ANKRD26: variants seen among roughly 807,000 people sequenced by gnomAD.
ANKRD26 encodes ankyrin repeat domain 26.
Under a neutral mutation model 208.7 loss-of-function variants are expected in ANKRD26, and 141 were observed. The observed-to-expected ratio is 0.68, with a 90% CI of 0.59 to 0.78. The LOEUF (loss-of-function observed/expected upper bound fraction) is 0.78, where lower values mean the gene tolerates loss of function less well. ANKRD26 is among the 30% of genes least tolerant of loss of function. ANKRD26 has a pLI of 0.00. For synonymous variants in ANKRD26, 636 were observed against 660.4 expected (o/e 0.96, Z 0.57); for missense variants, 1,889 against 1,938.7 (o/e 0.97, Z 0.48).
At chr10:27,001,621 C>A (rs144914392), downstream of ANKRD26, among the ~76,000 whole-genome samples, 33 of 152,300 alleles carry the variant, frequency 2.2e-4, no homozygotes, top group East Asian at 6.2e-3. Flanking sequence ...GCCGCCCCCA[C>A]CCTAATCTTT....
At chr10:27,094,162 A>G (rs2056392267) in intron 1 of ANKRD26, among the ~76,000 whole-genome samples, 2 of 152,024 alleles carry the variant, frequency 1.3e-5, no homozygotes, top group Non-Finnish European at 2.9e-5. Context: ...TTCTGCCCTT[A>G]TTGTTAAGTT....
rs141566371 is a variant in ANKRD26 at position 27,054,452 on chromosome 10, G to A, written c.1565-1062C>T. On this transcript the variant is annotated intron_variant, in intron 15 of 33. Transcript: ENST00000376087. ...ATATAAAAATGAGCTGGGCGTGGTG[G>A]TGTGTGCCTGTGATCCCAGCTACTC... is the stretch of plus-strand genomic sequence containing the variant. Among the ~76,000 whole-genome samples, 8 of 152,184 alleles carry A rather than the reference G, an allele frequency of 5.3e-5. No individual in the cohort carries two copies. In the South Asian group the frequency reaches 1.7e-3, roughly 32 times the overall value.
chr10:26,959,031 G>C, the ANKRD26 span, among the ~76,000 whole-genome samples: 1 of 152,046 alleles, frequency 6.6e-6, no homozygotes, highest in African/African-American at 2.4e-5. Context: ...GTTTTGATTT[G>C]CATTTCTCTA....
At chr10:27,026,711 A>T (rs2053670102) in intron 27 of ANKRD26, among the ~76,000 whole-genome samples, 1 of 152,190 alleles carries the variant, frequency 6.6e-6, no homozygotes, top group South Asian at 2.1e-4. Flanking sequence ...AACATCAATA[A>T]ATAATCACTA....
At chr10:26,972,870 C>G (rs1053849813), downstream of ANKRD26, among the ~76,000 whole-genome samples, 2 of 151,968 alleles carry the variant, frequency 1.3e-5, no homozygotes, top group African/African-American at 2.4e-5. Context: ...GATTACAGGC[C>G]TGAACCACCA....
At chr10:27,049,125 T>C (rs2054560806) in intron 16 of ANKRD26, 146 bp from the exon 17 acceptor site, 3 of 621,628 alleles carry the variant, frequency 4.8e-6, no homozygotes, top group Non-Finnish European at 8.0e-6. Context: ...AATGGGATCA[T>C]TGTATACATA....
intron 5 of ANKRD26, among the ~76,000 whole-genome samples, chr10:26,976,276 G>A (rs2052225700): frequency 6.6e-6 from 1 of 151,930 alleles, no homozygotes; most frequent in Admixed American, 6.6e-5. Flanking sequence ...GTGCAGTGGG[G>A]TGATCTCGGC....
chr10:27,096,602 A>G (rs1317787917), intron 1 of ANKRD26, among the ~76,000 whole-genome samples: 1 of 151,586 alleles, frequency 6.6e-6, no homozygotes, highest in African/African-American at 2.4e-5. Flanking sequence ...CGTCTCTACT[A>G]AAAATACAAA....
chr10:27,068,504 C>T lies in ANKRD26; in HGVS notation c.1078-1218G>A, dbSNP rs74128559. Among the ~76,000 whole-genome samples the T allele has an allele frequency of 2.5e-3, 383 of 152,088 alleles. 2 individuals are homozygous for T. The highest frequency in any genetic ancestry group is 8.8e-3 in the African/African-American group (363 of 41,474). ...ATGTAAAAGGTTTCTAGACAGGGCA[C>T]CATAAACAAAAGGATGAGGCATGAA... On this transcript the variant is annotated intron_variant, in intron 9 of 33. Transcript: ENST00000376087.
chr10:27,099,099 T>C (rs995286870), intron 1 of ANKRD26, among the ~76,000 whole-genome samples: 3 of 152,168 alleles, frequency 2.0e-5, no homozygotes, highest in African/African-American at 7.2e-5. Context: ...CAAGCGATTC[T>C]CCTGCCTCAG....
Position 27,052,061 on chromosome 10 carries a change from A to T in ANKRD26, c.1635+1259T>A, listed in dbSNP as rs998539546. The T allele has an allele frequency of 9.1e-6, 9 of 985,298 alleles. 1 individual carries two copies. The African/African-American group carries it at 1.4e-4, about 15-fold the overall frequency. The allele number at this position is 985,298 out of a possible 1,614,324, so 61.0% of individuals were successfully genotyped here. On this transcript the variant is annotated intron_variant, in intron 16 of 33. Transcript: ENST00000376087. ...CTGGTTCTTGAGACATCTTTTGCAG[A>T]CATGAAAGTGGACGATTAATTTGCT... is the stretch of plus-strand genomic sequence containing the variant.
intron 32 of ANKRD26, 128 bp downstream of exon 32, chr10:27,012,754 G>A (rs533441985): frequency 2.8e-5 from 24 of 847,852 alleles, no homozygotes; most frequent in Non-Finnish European, 4.3e-5. Context: ...AGAGGTTGCA[G>A]TGAGCCAAGA....
intron 18 of ANKRD26, 90 bp from the exon 19 acceptor site, chr10:27,044,280 G>C (rs2054365693): frequency 1.7e-6 from 2 of 1,146,436 alleles, no homozygotes; most frequent in Admixed American, 5.0e-5. Context: ...TAAAAGCTCT[G>C]CATTTGTAAT....
intron 4 of ANKRD26, among the ~76,000 whole-genome samples, chr10:27,091,256 A>G (rs776010925): frequency 6.6e-6 from 1 of 152,188 alleles, no homozygotes; most frequent in Non-Finnish European, 1.5e-5. Context: ...TATATCAGAA[A>G]ACATATTTGG....
intron 3 of ANKRD26, among the ~76,000 whole-genome samples, chr10:26,984,427 A>G (rs1050869854): frequency 1.3e-5 from 2 of 152,336 alleles, no homozygotes; most frequent in South Asian, 2.1e-4. Flanking sequence ...ATGTAAATAC[A>G]TAAGTCTATA....
At position 27,061,155 on chromosome 10, in the gene ANKRD26, A is replaced by G. The variant is rs201461870; in HGVS notation, c.1451T>C (p.Val484Ala). The change falls in exon 13 of 34, where the codon GTA (valine) becomes GCA (alanine). Residue 484 changes from valine to alanine, a missense_variant. Physicochemically the swap from Val to Ala is moderately conservative, Grantham distance 64. Around this residue, in one of 3 missense-constraint regions of ANKRD26, gnomAD observed 1,272 missense variants for 1,273.8 expected, o/e 1.00. Coordinates refer to ENST00000376087, the MANE Select transcript of ANKRD26 (RefSeq NM_014915.3). Reference protein sequence around the residue: ...LEDTRNVGMPVAHMESPERYL... With the variant: ...LEDTRNVGMPAAHMESPERYL... ...TTTTTTTTCCATACCCATGTGGGCT[A>G]CTGGCATGCCTACATTTCTTGTATC... 1,087 of 1,608,864 alleles carry G rather than the reference A, an allele frequency of 6.8e-4. 3 individuals are homozygous for G. Among genetic ancestry groups the G allele is most frequent in the Non-Finnish European group, 7.2e-4 (843 of 1,175,474 alleles).
chr10:27,050,957 G>C (rs1462122230), intron 16 of ANKRD26: 1 of 798,770 alleles, frequency 1.3e-6, no homozygotes, highest in Non-Finnish European at 1.7e-6. Context: ...ACATATTTAG[G>C]TAACACCATT....
intron 3 of ANKRD26, 60 bp from the exon 4 acceptor site, chr10:27,092,572 AAAACTCTATGTCAGATCCTTTGAACTG>A: frequency 3.2e-6 from 4 of 1,247,274 alleles, no homozygotes; most frequent in Admixed American, 1.8e-5. Context: ...GGCTGAACTG[AAAACTCTATGTCAGATCCTTTGAACTG>A]AAACATATAA....
At chr10:27,014,751 C>A (rs751913075) in intron 30 of ANKRD26, 40 bp from the exon 31 acceptor site, 45 of 1,540,328 alleles carry the variant, frequency 2.9e-5, no homozygotes, top group African/African-American at 6.8e-5. Context: ...AAATATATAA[C>A]CTGAGTAAGA....
Sources: gnomAD v4.1 joint callset for allele counts (sites outside exome capture counted in the v4.1 genomes callset) on GRCh38, gnomAD v4.1.1 for gene constraint, gnomAD v4.1.1 regional missense constraint, MANE v1.5 for transcripts, NCBI Gene and HGNC (gene_info 2026-07-23, HGNC 2026-07-21) for gene names.